The following COL5A2 variants were observed in gnomAD, a reference collection of about 807,000 sequenced individuals.
The protein encoded by COL5A2 is collagen alpha-2(V) chain.
Under a neutral mutation model 208.2 loss-of-function variants are expected in COL5A2, and 23 were observed. The observed-to-expected ratio is 0.11, with a 90% CI of 0.08 to 0.16. COL5A2 has a LOEUF of 0.16. COL5A2 is among the 10% of genes least tolerant of loss of function. COL5A2 has a pLI of 1.00. For synonymous variants in COL5A2, 625 were observed against 628.5 expected (o/e 0.99, Z 0.08); for missense variants, 1,590 against 1,956.4 (o/e 0.81, Z 3.53).
At chr2:189,339,239 T>C in the COL5A2 span, among the ~76,000 whole-genome samples, 1 of 151,556 alleles carries the variant, frequency 6.6e-6, no homozygotes, top group African/African-American at 2.4e-5. Flanking sequence ...TAATCCCAGC[T>C]ACTCAGGAGG....
At chr2:189,081,632 G>A (rs1212205256) in intron 12 of COL5A2, among the ~76,000 whole-genome samples, 1 of 152,028 alleles carries the variant, frequency 6.6e-6, no homozygotes, top group Non-Finnish European at 1.5e-5. Flanking sequence ...GTGGATTTAT[G>A]ATTATTTAAA....
In COL5A2 at chr2:189,214,285, TCAA is replaced by T. The variant is rs200301444; in HGVS notation, c.-42+10860_-42+10862del. 4.1e-3 allele frequency among the ~76,000 whole-genome samples: 621 copies of T among 152,130 alleles called. 14 individuals are homozygous for T. The highest frequency in any genetic ancestry group is 0.036 in the Admixed American group (549 of 15,262). On this transcript the variant is annotated intron_variant, in intron 1 of 10. Coordinates refer to the COL5A2 transcript ENST00000649966. ...CAGGAAAGTAGAAATACCTTAATGT[TCAA>T]CAATAGCAGCTTGATTAAATAAATT...
chr2:189,207,424 TTTG>T (rs978646151), intron 1 of COL5A2, among the ~76,000 whole-genome samples: 1 of 152,218 alleles, frequency 6.6e-6, no homozygotes, highest in African/African-American at 2.4e-5. Context: ...AAGCACTTGC[TTTG>T]TTATTTTACA....
At chr2:189,285,274 C>A in the COL5A2 span, among the ~76,000 whole-genome samples, 6 of 152,048 alleles carry the variant, frequency 3.9e-5, no homozygotes, top group Non-Finnish European at 8.8e-5. Flanking sequence ...TAATGCCAGA[C>A]CACATTTCAA....
the COL5A2 span, among the ~76,000 whole-genome samples, chr2:189,233,060 A>T: frequency 6.6e-6 from 1 of 151,782 alleles, no homozygotes; most frequent in Non-Finnish European, 1.5e-5. Context: ...GATTTCTAGT[A>T]TACTTAGTTT....
chr2:189,034,195 T>C lies in COL5A2; in HGVS notation c.4375A>G (p.Lys1459Glu). 2 of 1,613,996 alleles carry C rather than the reference T, an allele frequency of 1.2e-6. No homozygotes were observed. Among genetic ancestry groups the C allele is most frequent in the Non-Finnish European group, 8.5e-7 (1 of 1,179,922 alleles). ...TGTGTTCTATATTCAAAGACAGTCTTGCCCACATTTCCATTCCGCTTCTGA... is the reference window on the plus strand; with the variant it reads ...TGTGTTCTATATTCAAAGACAGTCTCGCCCACATTTCCATTCCGCTTCTGA... ...TCSKRNGNVG[K>E]TVFEYRTQNV... The change falls in exon 54 of 54, where the codon AAG becomes GAG. Residue 1459 changes from lysine to glutamate, a missense_variant. Transcript: ENST00000374866.
chr2:189,244,426 A>G, the COL5A2 span, among the ~76,000 whole-genome samples: 5 of 152,270 alleles, frequency 3.3e-5, no homozygotes, highest in Admixed American at 1.3e-4. Flanking sequence ...GCGGAGGCAA[A>G]ATGCTGGCAG....
At chr2:189,395,299 T>C in the COL5A2 span, among the ~76,000 whole-genome samples, 1 of 152,222 alleles carries the variant, frequency 6.6e-6, no homozygotes, top group South Asian at 2.1e-4. Flanking sequence ...AATAGATTTA[T>C]AGGAAAATGC....
chr2:189,184,670 A>C (rs2105838240), upstream of COL5A2, among the ~76,000 whole-genome samples: 1 of 152,334 alleles, frequency 6.6e-6, no homozygotes, highest in Admixed American at 6.5e-5. Flanking sequence ...TTACAGACCC[A>C]TGTGACTACA....
chr2:189,402,000 T>A, the COL5A2 span, among the ~76,000 whole-genome samples: 2 of 152,054 alleles, frequency 1.3e-5, no homozygotes, highest in Non-Finnish European at 1.5e-5. Context: ...AAAAAAAAAA[T>A]TCCCATTCTG....
chr2:189,069,833 AAAGC>A (rs1303059010), intron 18 of COL5A2, among the ~76,000 whole-genome samples: 2 of 152,198 alleles, frequency 1.3e-5, no homozygotes, highest in African/African-American at 4.8e-5. Context: ...GACCTTCAAG[AAAGC>A]ATTTATCAGT....
At chr2:189,099,890 T>C (rs1050974876) in intron 4 of COL5A2, among the ~76,000 whole-genome samples, 2 of 152,226 alleles carry the variant, frequency 1.3e-5, no homozygotes, top group Non-Finnish European at 2.9e-5. Context: ...AATGACTTTC[T>C]ACCTTTAGTC....
the COL5A2 span, among the ~76,000 whole-genome samples, chr2:189,253,723 G>A: frequency 1.8e-3 from 276 of 152,206 alleles, 1 homozygote; most frequent in African/African-American, 5.4e-3. Context: ...AAATTTGGTC[G>A]AAGTTCTCTG....
At chr2:189,432,162 C>A in the COL5A2 span, among the ~76,000 whole-genome samples, 4 of 152,148 alleles carry the variant, frequency 2.6e-5, no homozygotes, top group Non-Finnish European at 5.9e-5. Flanking sequence ...GATTCTGTCA[C>A]CACCAGGCCT....
At chr2:189,369,078 A>G in the COL5A2 span, among the ~76,000 whole-genome samples, 21 of 152,194 alleles carry the variant, frequency 1.4e-4, no homozygotes, top group African/African-American at 5.1e-4. Context: ...TCTAGACAAC[A>G]CATTAAATTC....
the COL5A2 span, among the ~76,000 whole-genome samples, chr2:189,410,567 T>TA: frequency 2.3e-3 from 349 of 150,782 alleles, 1 homozygote; most frequent in African/African-American, 7.3e-3. Flanking sequence ...CCCTGTCTCT[T>TA]AAAAAAAAAG....
chr2:189,276,575 C>T, the COL5A2 span, among the ~76,000 whole-genome samples: 1 of 152,186 alleles, frequency 6.6e-6, no homozygotes, highest in Non-Finnish European at 1.5e-5. Context: ...TGTCCGATTG[C>T]CACATTTAAA....
the COL5A2 span, among the ~76,000 whole-genome samples, chr2:189,244,502 C>G: frequency 6.6e-6 from 1 of 152,216 alleles, no homozygotes; most frequent in Non-Finnish European, 1.5e-5. Context: ...TCATCTCCAT[C>G]TGAGACCACC....
chr2:189,383,012 G>A, the COL5A2 span, among the ~76,000 whole-genome samples: 2 of 152,108 alleles, frequency 1.3e-5, no homozygotes, highest in African/African-American at 4.8e-5. Flanking sequence ...ACCATGGCTT[G>A]ACCATGGTGA....
Sources: gnomAD v4.1 joint callset for allele counts (sites outside exome capture counted in the v4.1 genomes callset) on GRCh38, gnomAD v4.1.1 for gene constraint, MANE v1.5 for transcripts, NCBI Gene and HGNC (gene_info 2026-07-23, HGNC 2026-07-21) for gene names.